Variants in JPH3 observed in about 807,000 individuals in gnomAD.
JPH3 encodes the protein junctophilin-3.
Under a neutral mutation model 59.6 loss-of-function variants are expected in JPH3, and 11 were observed. The observed-to-expected ratio is 0.18, with a 90% CI of 0.12 to 0.31. The LOEUF (loss-of-function observed/expected upper bound fraction) is 0.31. Ranked by LOEUF, JPH3 falls within the 10% of genes least tolerant of loss-of-function variation. The probability of loss-of-function intolerance (pLI) is 1.00; values close to 1 mark genes in which losing one functional copy is unlikely to be tolerated. For synonymous variants in JPH3, 673 were observed against 483.6 expected, an observed-to-expected ratio of 1.39 and a Z score of -5.14; for missense variants, 1,202 against 1,105.7, an observed-to-expected ratio of 1.09 and a Z score of -1.24.
rs1298741562 is a variant in JPH3, at chr16:87,644,731, G to A, written c.856G>A (p.Glu286Lys). Residue 286 changes from glutamate to lysine, a missense_variant, in exon 2 of 5, where the codon GAG becomes AAG. Glu to Lys is a moderately conservative substitution (Grantham distance 56). Transcript: ENST00000284262. ...GGACGACATCGACGCCACCACCACC[G>A]AGACCTACGTGGGCGAGTGGAAGAA... ...IEDDIDATTTETYVGEWKNDK... is the reference protein window; with the variant it reads ...IEDDIDATTTKTYVGEWKNDK... 1.2e-6 allele frequency: 2 copies of A among 1,612,818 alleles called. No homozygotes were observed. Among genetic ancestry groups the A allele is most frequent in the Non-Finnish European group, 1.7e-6 (2 of 1,179,934 alleles).
Position 87,696,899 on chromosome 16 carries a change from A to G in JPH3, c.*239A>G, listed in dbSNP as rs766009029. The stretch of plus-strand genomic sequence containing the variant: ...AACACTCTGCTGTGTGGCATGGCAG[A>G]AGGAGGCCAGCACGCAGCCCCTCCA... On this transcript the variant is annotated 3_prime_UTR_variant, in exon 5 of 5. Coordinates refer to ENST00000284262, the MANE Select transcript of JPH3 (RefSeq NM_020655.4). 55 of 500,222 alleles carry G rather than the reference A, an allele frequency of 1.1e-4. No individual in the cohort carries two copies. Among genetic ancestry groups the G allele is most frequent in the Non-Finnish European group, 1.6e-4 (44 of 274,184 alleles). 31.0% of individuals were successfully genotyped at this position (500,222 alleles called of 1,614,324 possible). A position where few individuals can be genotyped will look rare whatever the true frequency, so the allele number is the denominator to read the frequency against.
intron 1 of JPH3, among the ~76,000 whole-genome samples, chr16:87,624,408 A>G (rs2031293399): frequency 6.6e-6 from 1 of 152,066 alleles, no homozygotes; most frequent in South Asian, 2.1e-4. Context: ...GTGGAGTCAT[A>G]CGCTGAGAGG....
chr16:87,687,562 G>C (rs113187242), intron 3 of JPH3, among the ~76,000 whole-genome samples: 1 of 152,178 alleles, frequency 6.6e-6, no homozygotes, highest in East Asian at 1.9e-4. Flanking sequence ...GGTGCCATCC[G>C]CCCCCGCCCC....
intron 3 of JPH3, among the ~76,000 whole-genome samples, chr16:87,687,567 C>T (rs749711523): frequency 1.2e-4 from 18 of 152,224 alleles, no homozygotes; most frequent in African/African-American, 2.7e-4. Context: ...CATCCGCCCC[C>T]GCCCCAGAGG....
At chr16:87,649,731 C>T (rs1043878184) in intron 2 of JPH3, among the ~76,000 whole-genome samples, 2 of 152,216 alleles carry the variant, frequency 1.3e-5, no homozygotes, top group Non-Finnish European at 2.9e-5. Flanking sequence ...GTTTCTCCTT[C>T]CCGTCCCCCT....
chr16:87,691,274 T>G (rs72810186), intron 4 of JPH3, among the ~76,000 whole-genome samples: 12,368 of 152,168 alleles, frequency 0.081, 712 homozygotes, highest in Non-Finnish European at 0.11. Context: ...CCCACCCTGC[T>G]CCCTTGACCA....
chr16:87,631,964 C>G (rs1272195753), intron 1 of JPH3, among the ~76,000 whole-genome samples: 3 of 152,174 alleles, frequency 2.0e-5, no homozygotes, highest in African/African-American at 7.2e-5. Context: ...CTCCCACCTG[C>G]TGCATTTTCT....
chr16:87,604,211 A>C, intron 1 of JPH3: 3 of 1,429,978 alleles, frequency 2.1e-6, no homozygotes, highest in Non-Finnish European at 2.8e-6. Flanking sequence ...CCATTAGTTG[A>C]GGGAATCGAT....
chr16:87,644,813 G>A lies in JPH3; in HGVS notation c.938G>A (p.Gly313Asp). The A allele has an allele frequency of 6.2e-7, 1 of 1,613,490 alleles. No homozygotes were observed. The highest frequency in any genetic ancestry group is 8.5e-7 in the Non-Finnish European group (1 of 1,179,928). The change falls in exon 2 of 5, where the codon GGC becomes GAC. Residue 313 changes from glycine to aspartate, a missense_variant. Transcript: ENST00000284262. The stretch of plus-strand genomic sequence containing the variant: ...CGCTCGGACGGGCTCAAGTACGAGG[G>A]CGAGTGGGCCAGCAACCGGCGCCAT... ...SQRSDGLKYEGEWASNRRHGY... is the reference protein window; with the variant it reads ...SQRSDGLKYEDEWASNRRHGY...
At chr16:87,678,802 CAT>C (rs2033214391) in intron 2 of JPH3, among the ~76,000 whole-genome samples, 1 of 152,206 alleles carries the variant, frequency 6.6e-6, no homozygotes, top group African/African-American at 2.4e-5. Flanking sequence ...GAGAAGGCCA[CAT>C]GAGGGCAGAG....
rs1219372476 is a variant in JPH3, at chr16:87,602,520, C to G, written c.-627C>G. ...CGCCGCGCGGCCCGAGCGCGCGAGC[C>G]GGGCCCGGAGCGCACGCCGCCGCCG... On this transcript the variant is annotated 5_prime_UTR_variant, in exon 1 of 5. Coordinates refer to ENST00000284262, the MANE Select transcript of JPH3 (RefSeq NM_020655.4). 1.5e-5 allele frequency among the ~76,000 whole-genome samples: 2 copies of G among 136,096 alleles called. No homozygotes were observed. Among genetic ancestry groups the G allele is most frequent in the Non-Finnish European group, 3.2e-5 (2 of 62,460 alleles). 89.3% of individuals were successfully genotyped at this position (136,096 alleles called of 152,430 possible).
Position 87,697,702 on chromosome 16 carries a change from C to T in JPH3, c.*1042C>T, listed in dbSNP as rs532248465. On this transcript the variant is annotated 3_prime_UTR_variant, in exon 5 of 5. Transcript: ENST00000284262. ...TGCTACACCACAGTGGGCCTGGTCCCAGGACAGGAATGCGGTTCAAACCCA... is the reference window on the plus strand; with the variant it reads ...TGCTACACCACAGTGGGCCTGGTCCTAGGACAGGAATGCGGTTCAAACCCA... 1 of 152,296 alleles carries T rather than the reference C, an allele frequency of 6.6e-6. No individual in the cohort carries two copies. The highest frequency in any genetic ancestry group is 1.5e-5 in the Non-Finnish European group (1 of 68,084). The allele number at this position is 152,296 out of a possible 1,614,324, so 9.4% of individuals were successfully genotyped here.
intron 1 of JPH3, among the ~76,000 whole-genome samples, chr16:87,634,279 G>C (rs1797682780): frequency 6.6e-6 from 1 of 152,134 alleles, no homozygotes; most frequent in South Asian, 2.1e-4. Flanking sequence ...CCAAAGACAG[G>C]GGTCTGTTCC....
At chr16:87,619,101 AG>A (rs1486257836) in intron 1 of JPH3, among the ~76,000 whole-genome samples, 4 of 102,568 alleles carry the variant, frequency 3.9e-5, no homozygotes, top group South Asian at 7.1e-4. Flanking sequence ...AAAAAAAAAA[AG>A]GGGGGGCACT....
At chr16:87,633,336 C>T (rs942293090) in intron 1 of JPH3, among the ~76,000 whole-genome samples, 4 of 150,276 alleles carry the variant, frequency 2.7e-5, no homozygotes, top group Non-Finnish European at 4.4e-5. Flanking sequence ...CCTTATCTAT[C>T]TCCAAACAAG....
intron 2 of JPH3, among the ~76,000 whole-genome samples, chr16:87,676,095 A>G (rs549929036): frequency 1.3e-5 from 2 of 152,378 alleles, no homozygotes; most frequent in African/African-American, 2.4e-5. Context: ...GCCTCAGTAA[A>G]TGTGCTAAAA....
intron 1 of JPH3, among the ~76,000 whole-genome samples, chr16:87,633,330 A>C (rs1029649749): frequency 5.3e-5 from 8 of 149,804 alleles, no homozygotes; most frequent in Middle Eastern, 3.4e-3. Context: ...TAAAGACCTT[A>C]TCTATCTCCA....
At chr16:87,632,294 G>A (rs1262977479) in intron 1 of JPH3, among the ~76,000 whole-genome samples, 2 of 152,184 alleles carry the variant, frequency 1.3e-5, no homozygotes, top group Non-Finnish European at 2.9e-5. Flanking sequence ...GCACTTCCCT[G>A]GCAGTCCTCC....
chr16:87,696,445 G>GT, intron 4 of JPH3, 135 bp from the exon 5 acceptor site: 1 of 724,344 alleles, frequency 1.4e-6, no homozygotes. Flanking sequence ...GTGTCCAAGC[G>GT]TTTCTAACAT....
Sources: gnomAD v4.1 joint callset for allele counts (sites outside exome capture counted in the v4.1 genomes callset) on GRCh38, gnomAD v4.1.1 for gene constraint, MANE v1.5 for transcripts, NCBI Gene and HGNC (gene_info 2026-07-23, HGNC 2026-07-21) for gene names.